Variants in TATDN2 observed in about 807,000 individuals in gnomAD.
TATDN2 encodes 3'-5' RNA nuclease TATDN2.
TATDN2 carries 44 observed loss-of-function variants against 60.3 expected under a neutral mutation model. That is an observed-to-expected ratio of 0.73 (90% CI 0.57 to 0.94). The LOEUF is 0.94. Ranked by LOEUF, TATDN2 falls within the 40% of genes least tolerant of loss-of-function variation. The probability of loss-of-function intolerance (pLI) is 0.00; values close to 1 mark genes in which losing one functional copy is unlikely to be tolerated. For missense variants in TATDN2, 997 were observed against 948.0 expected (o/e 1.05, Z -0.68); for synonymous variants, 399 against 355.8 (o/e 1.12, Z -1.37).
intron 3 of TATDN2, among the ~76,000 whole-genome samples, chr3:10,262,527 CTTTTTTTTTT>C (rs60747520): frequency 1.2e-4 from 7 of 59,976 alleles, no homozygotes; most frequent in South Asian, 7.2e-4. Context: ...TTCTTCTGGG[CTTTTTTTTTT>C]TTTTTTTTTT....
chr3:10,255,544 T>A (rs1015432848), intron 2 of TATDN2, among the ~76,000 whole-genome samples: 1 of 152,168 alleles, frequency 6.6e-6, no homozygotes, highest in Non-Finnish European at 1.5e-5. Flanking sequence ...AACTCCAGTC[T>A]TGGTCTTCAC....
Position 10,260,397 on chromosome 3 carries a change from C to T in TATDN2, c.675C>T (p.Ala225=), listed in dbSNP as rs758405905. 4.3e-6 allele frequency: 7 copies of T among 1,613,434 alleles called. No individual in the cohort carries two copies. The African/African-American group carries it at 6.7e-5, about 15-fold the overall frequency. The change falls in exon 3 of 8, where the codon GCC becomes GCT. Residue 225 remains alanine, a synonymous_variant. Transcript: ENST00000448281. ...ATCCCAGCCATGGAGAAGGACCAGC[C>T]AGGAGTGAAGGACCAGCCAAGACTG... is the stretch of plus-strand genomic sequence containing the variant. ...AEHPSHGEGP[A]RSEGPAKTAE...
chr3:10,266,931 C>CTTTT (rs199956355), intron 3 of TATDN2, among the ~76,000 whole-genome samples: 4 of 126,904 alleles, frequency 3.2e-5, no homozygotes, highest in African/African-American at 8.7e-5. Flanking sequence ...CTAAGGCAGT[C>CTTTT]TTTTTTTTTT....
Position 10,278,140 on chromosome 3 carries a change from T to C in TATDN2, c.1962-139T>C. The C allele has an allele frequency of 1.0e-6, 1 of 989,140 alleles. No homozygotes were observed. The highest frequency in any genetic ancestry group is 1.5e-6 in the Non-Finnish European group (1 of 664,702). 61.3% of individuals were successfully genotyped at this position (989,140 alleles called of 1,614,324 possible). A position where few individuals can be genotyped will look rare whatever the true frequency, so the allele number is the denominator to read the frequency against. ...CTGTGTTGGAGCCAGCCCTTGTCTG[T>C]GTTTACTGTGGAGTCCTTCCCTAGG... On this transcript the variant is annotated intron_variant, in intron 5 of 7. Transcript: ENST00000448281. The surrounding 1 kb of genome is among the most constrained non-coding windows in gnomAD (Gnocchi z 4.7).
Position 10,279,521 on chromosome 3 carries a change from T to C in TATDN2, c.*339T>C, listed in dbSNP as rs1355492096. 2 of 155,510 alleles carry C rather than the reference T, an allele frequency of 1.3e-5. No homozygotes were observed. The highest frequency in any genetic ancestry group is 2.9e-5 in the Non-Finnish European group (2 of 70,154). The allele number at this position is 155,510 out of a possible 1,614,324, so 9.6% of individuals were successfully genotyped here. On this transcript the variant is annotated 3_prime_UTR_variant, in exon 8 of 8. Coordinates refer to ENST00000448281, the MANE Select transcript of TATDN2 (RefSeq NM_014760.4). ...GAGTTTGGCAGTCCAAATTCTGTTC[T>C]CTGCAGCCTGTTTTTGAGTAGTTGG...
At chr3:10,266,840 C>T (rs751766082) in intron 3 of TATDN2, among the ~76,000 whole-genome samples, 10 of 151,792 alleles carry the variant, frequency 6.6e-5, no homozygotes, top group Non-Finnish European at 1.5e-4. Flanking sequence ...TGAATTCATA[C>T]GTGATTACTC....
At chr3:10,275,789 G>A (rs914320582) in intron 4 of TATDN2, among the ~76,000 whole-genome samples, 1 of 151,920 alleles carries the variant, frequency 6.6e-6, no homozygotes, top group African/African-American at 2.4e-5. Flanking sequence ...AAAGCAAGTT[G>A]TAGAAAATAA....
intron 2 of TATDN2, among the ~76,000 whole-genome samples, chr3:10,257,841 A>ATTTTTTGTTTTTGT (rs1698335030): frequency 3.3e-5 from 1 of 30,260 alleles, no homozygotes. Flanking sequence ...AAGGTTTATG[A>ATTTTTTGTTTTTGT]TTTTTTTTTT....
At chr3:10,267,078 T>G (rs1698488226) in intron 3 of TATDN2, among the ~76,000 whole-genome samples, 1 of 151,904 alleles carries the variant, frequency 6.6e-6, no homozygotes. Context: ...CACAACCGCA[T>G]TTGGCTAGTT....
chr3:10,249,557 T>G lies in TATDN2; in HGVS notation c.357T>G (p.Pro119=), dbSNP rs1245257147. The G allele has an allele frequency of 1.3e-6, 2 of 1,556,806 alleles. No homozygotes were observed. The highest frequency in any genetic ancestry group is 1.7e-6 in the Non-Finnish European group (2 of 1,153,324). Reference sequence around the variant, plus strand: ...CTTCAGGGGGATCCCCTCTGCGTCCTGCCAACGCCTCTTTGGAAGAAATGG... The same window carrying G: ...CTTCAGGGGGATCCCCTCTGCGTCCGGCCAACGCCTCTTTGGAAGAAATGG... ...FLSSGGSPLR[P]ANASLEEMAS... Residue 119 remains proline (P), a synonymous_variant, in exon 2 of 8, where the codon CCT becomes CCG. Transcript: ENST00000448281.
Position 10,278,833 on chromosome 3 carries a change from A to G in TATDN2, c.2146-52A>G, listed in dbSNP as rs952439837. 2.5e-6 allele frequency: 4 copies of G among 1,613,270 alleles called. No individual in the cohort carries two copies. In the African/African-American group the frequency reaches 4.0e-5, roughly 16 times the overall value. ...AGGGACAGGGAGGGAGTTCTAGATT[A>G]TGACTGTGCACACATGGCACAATGA... On this transcript the variant is annotated intron_variant, in intron 6 of 7. Transcript: ENST00000448281. This position sits in a 1 kb window ranked among gnomAD's most constrained non-coding sequence, Gnocchi z 4.7.
chr3:10,262,986 C>T (rs1215805565), intron 3 of TATDN2, among the ~76,000 whole-genome samples: 2 of 152,078 alleles, frequency 1.3e-5, no homozygotes, highest in Non-Finnish European at 2.9e-5. Context: ...CTGCAATCTT[C>T]ACCTCCCAGG....
intron 4 of TATDN2, 140 bp downstream of exon 4, chr3:10,271,155 C>G: frequency 3.0e-6 from 3 of 1,003,258 alleles, no homozygotes; most frequent in East Asian, 2.7e-5. Flanking sequence ...TCATCCAGAC[C>G]ATCTAGATGC....
intron 4 of TATDN2, among the ~76,000 whole-genome samples, chr3:10,272,500 A>T (rs571473181): frequency 4.5e-4 from 68 of 149,792 alleles, no homozygotes; most frequent in Non-Finnish European, 8.3e-4. Context: ...GTGCAATCGC[A>T]TGATATTGGC....
rs1304513079 is a variant in TATDN2 at position 10,249,384 on chromosome 3, G to T, written c.184G>T (p.Asp62Tyr). ...GCGCCTGAAAGCCCAGAAGGAGGAC[G>T]ATGTGGCTTGCTCGCGGAGGTTATC... ...PKRLKAQKEDDVACSRRLSWG... is the reference protein window; with the variant it reads ...PKRLKAQKEDYVACSRRLSWG... Residue 62 changes from aspartate to tyrosine, a missense_variant, in exon 2 of 8, where the codon GAT becomes TAT. Coordinates refer to ENST00000448281, the MANE Select transcript of TATDN2 (RefSeq NM_014760.4). The T allele has an allele frequency of 1.9e-6, 3 of 1,613,232 alleles. No individual in the cohort carries two copies. Among genetic ancestry groups the T allele is most frequent in the Non-Finnish European group, 8.5e-7 (1 of 1,179,674 alleles).
At chr3:10,273,114 A>G (rs1180201859) in intron 4 of TATDN2, among the ~76,000 whole-genome samples, 1 of 152,214 alleles carries the variant, frequency 6.6e-6, no homozygotes, top group African/African-American at 2.4e-5. Context: ...AGCGATAGGC[A>G]TAGGGGGATA....
intron 3 of TATDN2, 26 bp from the exon 4 acceptor site, chr3:10,270,105 A>C (rs762636081): frequency 6.3e-7 from 1 of 1,587,346 alleles, no homozygotes; most frequent in Non-Finnish European, 8.6e-7. Flanking sequence ...AGGCTAACCC[A>C]CTGTTGTATG....
chr3:10,261,511 C>T (rs573084343), intron 3 of TATDN2, among the ~76,000 whole-genome samples: 4 of 152,136 alleles, frequency 2.6e-5, no homozygotes, highest in Non-Finnish European at 4.4e-5. Context: ...GCTGGGATTA[C>T]AGGTGTGCGC....
At chr3:10,254,973 CT>C (rs974223665) in intron 2 of TATDN2, among the ~76,000 whole-genome samples, 5 of 150,960 alleles carry the variant, frequency 3.3e-5, no homozygotes, top group Admixed American at 6.6e-5. Context: ...CACTTTCTCT[CT>C]TTTTTTCCCC....
Sources: gnomAD v4.1 joint callset for allele counts (sites outside exome capture counted in the v4.1 genomes callset) on GRCh38, gnomAD v4.1.1 for gene constraint, Gnocchi (gnomAD v3.1) non-coding constraint, MANE v1.5 for transcripts, NCBI Gene and HGNC (gene_info 2026-07-23, HGNC 2026-07-21) for gene names.